MRRF: variants seen among roughly 807,000 people sequenced by gnomAD.
MRRF encodes the protein ribosome-recycling factor, mitochondrial.
Under a neutral mutation model 25.1 loss-of-function variants are expected in MRRF, and 18 were observed. That is an observed-to-expected ratio of 0.72 (90% CI 0.50 to 1.06). The LOEUF is 1.06. MRRF is among the 50% of genes least tolerant of loss of function. The probability of loss-of-function intolerance (pLI) is 0.00; values close to 1 mark genes in which losing one functional copy is unlikely to be tolerated. For synonymous variants in MRRF, 113 were observed against 112.1 expected (o/e 1.01, Z -0.05); for missense variants, 323 against 319.3 (o/e 1.01, Z -0.09).
chr9:122,302,787 G>A (rs374073277), intron 5 of MRRF, among the ~76,000 whole-genome samples: 2 of 152,114 alleles, frequency 1.3e-5, no homozygotes, highest in Non-Finnish European at 2.9e-5. Flanking sequence ...ACTTTTTGAG[G>A]AACTTCCAAA....
In MRRF at chr9:122,323,312, CAT is replaced by C. The variant is rs1309234345; in HGVS notation, c.*697_*698del. The C allele has an allele frequency of 1.3e-5, 2 of 156,262 alleles. No individual in the cohort carries two copies. The highest frequency in any genetic ancestry group is 2.8e-5 in the Non-Finnish European group (2 of 70,362). The allele number at this position is 156,262 out of a possible 1,614,324, so 9.7% of individuals were successfully genotyped here. On this transcript the variant is annotated 3_prime_UTR_variant, in exon 7 of 7. Transcript: ENST00000344641. The stretch of plus-strand genomic sequence containing the variant: ...ACCTAGGACCCTCATTACCGGCTCT[CAT>C]AGCACAGTCTACTGCTTTGTACGAA...
At chr9:122,274,155 TTAG>T (rs1242822669) in intron 2 of MRRF, among the ~76,000 whole-genome samples, 1 of 152,226 alleles carries the variant, frequency 6.6e-6, no homozygotes, top group Non-Finnish European at 1.5e-5. Context: ...CATCTTTGTT[TTAG>T]TCCTGACTTT....
At chr9:122,296,865 C>G (rs1442501226) in intron 5 of MRRF, among the ~76,000 whole-genome samples, 1 of 152,178 alleles carries the variant, frequency 6.6e-6, no homozygotes, top group African/African-American at 2.4e-5. Context: ...TCATGCCTGG[C>G]TTTAAATAAT....
intron 5 of MRRF, among the ~76,000 whole-genome samples, chr9:122,296,140 GT>G (rs1206906809): frequency 2.7e-5 from 4 of 148,908 alleles, no homozygotes; most frequent in South Asian, 2.1e-4. Context: ...CTGTTTGCGA[GT>G]TTTTTTTTTA....
chr9:122,319,578 A>G (rs764206292), intron 6 of MRRF, among the ~76,000 whole-genome samples: 7 of 152,012 alleles, frequency 4.6e-5, no homozygotes, highest in Admixed American at 1.3e-4. Flanking sequence ...AAGATAAAAC[A>G]CTTTTGCATT....
intron 5 of MRRF, among the ~76,000 whole-genome samples, chr9:122,312,733 C>A (rs1225019832): frequency 2.0e-5 from 3 of 152,174 alleles, no homozygotes; most frequent in African/African-American, 4.8e-5. Context: ...GGTTCGTGAC[C>A]TTGCAAGACT....
At chr9:122,276,679 A>G (rs1224448592) in intron 2 of MRRF, among the ~76,000 whole-genome samples, 1 of 152,202 alleles carries the variant, frequency 6.6e-6, no homozygotes, top group Non-Finnish European at 1.5e-5. Context: ...TGTGTAAAAC[A>G]TGGTTGTTTC....
At chr9:122,317,788 G>A (rs1247831949) in intron 6 of MRRF, among the ~76,000 whole-genome samples, 4 of 152,056 alleles carry the variant, frequency 2.6e-5, no homozygotes, top group Non-Finnish European at 4.4e-5. Flanking sequence ...ATCTTTTGAG[G>A]TCAGATTTTT....
intron 2 of MRRF, among the ~76,000 whole-genome samples, chr9:122,276,047 A>G (rs995858726): frequency 6.6e-6 from 1 of 151,862 alleles, no homozygotes; most frequent in Middle Eastern, 3.4e-3. Flanking sequence ...AGCTGGGACT[A>G]TAGGCACTTG....
intron 5 of MRRF, among the ~76,000 whole-genome samples, chr9:122,312,183 C>G (rs539122441): frequency 1.7e-4 from 26 of 152,302 alleles, no homozygotes; most frequent in Non-Finnish European, 4.4e-5. Context: ...AATCCCAGTT[C>G]TCTCACTCAT....
chr9:122,301,125 A>G (rs1451965862), intron 5 of MRRF, among the ~76,000 whole-genome samples: 1 of 152,224 alleles, frequency 6.6e-6, no homozygotes, highest in African/African-American at 2.4e-5. Context: ...GATGATAGGA[A>G]GGAGAATGCC....
chr9:122,271,024 A>C lies in MRRF; in HGVS notation c.133A>C (p.Met45Leu). Residue 45 changes from methionine to leucine, a missense_variant, in exon 2 of 7, where the codon ATG becomes CTG. Met to Leu is a conservative substitution (Grantham distance 15). Transcript: ENST00000344641. ...HERQHGHRQY[M>L]AYSAVPVRHF... ...AAGACAACATGGCCATAGGCAATAC[A>C]TGGCCTATTCAGCTGTACCAGTCCG... The C allele has an allele frequency of 6.2e-7, 1 of 1,614,222 alleles. No homozygotes were observed. The highest frequency in any genetic ancestry group is 8.5e-7 in the Non-Finnish European group (1 of 1,180,038).
chr9:122,278,781 A>G (rs1370610441), intron 2 of MRRF, among the ~76,000 whole-genome samples: 1 of 152,174 alleles, frequency 6.6e-6, no homozygotes, highest in East Asian at 1.9e-4. Flanking sequence ...GGCGTTTATA[A>G]AGATCTCTTT....
chr9:122,289,248 G>A (rs984758454), intron 4 of MRRF, among the ~76,000 whole-genome samples: 1 of 152,300 alleles, frequency 6.6e-6, no homozygotes, highest in South Asian at 2.1e-4. Context: ...TGAGGTAAAG[G>A]AAGTGAGTTT....
intron 2 of MRRF, among the ~76,000 whole-genome samples, chr9:122,279,095 A>C (rs1199816805): frequency 1.3e-5 from 2 of 149,712 alleles, no homozygotes; most frequent in African/African-American, 4.9e-5. Flanking sequence ...CTGATCTTGA[A>C]CTCCTGACCT....
chr9:122,327,824 C>G lies in MRRF; in HGVS notation c.*5207C>G, dbSNP rs1836180617. 1 of 149,442 alleles carries G rather than the reference C, an allele frequency of 6.7e-6. No homozygotes were observed. Among genetic ancestry groups the G allele is most frequent in the Admixed American group, 6.7e-5 (1 of 15,002 alleles). The allele number at this position is 149,442 out of a possible 1,614,324, so 9.3% of individuals were successfully genotyped here. A position where few individuals can be genotyped will look rare whatever the true frequency, so the allele number is the denominator to read the frequency against. ...GCTTTTTGTTTACATTTGCTTTCCC[C>G]ATTTCTTGATTTTTAAGCTTTCAGA... On this transcript the variant is annotated 3_prime_UTR_variant, in exon 7 of 7. Transcript: ENST00000344641.
intron 4 of MRRF, among the ~76,000 whole-genome samples, chr9:122,289,408 C>G (rs1163653387): frequency 1.3e-5 from 2 of 152,092 alleles, no homozygotes; most frequent in African/African-American, 4.8e-5. Context: ...AGTCGGTGCC[C>G]TAGTGCCTGT....
At chr9:122,317,818 T>C (rs1039251866) in intron 6 of MRRF, among the ~76,000 whole-genome samples, 2 of 152,172 alleles carry the variant, frequency 1.3e-5, no homozygotes. Context: ...ATTATAAAAA[T>C]GCTTCTTCAA....
At chr9:122,285,048 C>A in intron 3 of MRRF, 121 bp from the exon 4 acceptor site, 2 of 727,126 alleles carry the variant, frequency 2.8e-6, no homozygotes, top group Non-Finnish European at 5.0e-6. Context: ...ACTTCACTCC[C>A]AAAGCTCTGG....
Sources: allele counts gnomAD v4.1 joint callset (sites outside exome capture counted in the v4.1 genomes callset), GRCh38; gene constraint gnomAD v4.1.1; transcripts MANE v1.5; gene names NCBI Gene and HGNC (gene_info 2026-07-23, HGNC 2026-07-21).